The following EPHA3 variants were observed in gnomAD, a reference collection of about 807,000 sequenced individuals.
EPHA3 encodes EPH receptor A3, also known as ephrin type-A receptor 3.
EPHA3 carries 42 observed loss-of-function variants against 107.1 expected under a neutral mutation model. That is an observed-to-expected ratio of 0.39 (90% CI 0.31 to 0.51). The LOEUF (loss-of-function observed/expected upper bound fraction) is 0.51, where lower values mean the gene tolerates loss of function less well. Among genes scored for constraint, EPHA3 ranks in the 20% least tolerant of loss-of-function variants. EPHA3 has a pLI of 0.78. For synonymous variants in EPHA3, 461 were observed against 424.8 expected, an observed-to-expected ratio of 1.09 and a Z score of -1.05; for missense variants, 1,183 against 1,211.2, an observed-to-expected ratio of 0.98 and a Z score of 0.35.
intron 15 of EPHA3, among the ~76,000 whole-genome samples, chr3:89,454,325 CT>C (rs1710056054): frequency 6.6e-6 from 1 of 152,116 alleles, no homozygotes; most frequent in African/African-American, 2.4e-5. Flanking sequence ...TTTTCTCCCC[CT>C]AGCCTGATCC....
intron 3 of EPHA3, among the ~76,000 whole-genome samples, chr3:89,215,422 A>G (rs530600539): frequency 6.6e-6 from 1 of 151,998 alleles, no homozygotes; most frequent in East Asian, 1.9e-4. Flanking sequence ...GAGTCTCTAT[A>G]AAAACAATAT....
chr3:89,375,214 G>A (rs1708379918), intron 5 of EPHA3, among the ~76,000 whole-genome samples: 1 of 151,742 alleles, frequency 6.6e-6, no homozygotes, highest in African/African-American at 2.4e-5. Context: ...AACTGTTAAA[G>A]TGTCTTGAAA....
In EPHA3 at chr3:89,453,751, C is replaced by T. The variant is rs1710042076; in HGVS notation, c.2690+3381C>T. On this transcript the variant is annotated intron_variant, in intron 15 of 16. Coordinates refer to ENST00000336596, the MANE Select transcript of EPHA3 (RefSeq NM_005233.6). The stretch of plus-strand genomic sequence containing the variant: ...TCCTTTTCATAACTGATTAAAATGA[C>T]CTCCTTCTTTAATTTTTAGTGATGT... 3.3e-5 allele frequency among the ~76,000 whole-genome samples: 5 copies of T among 151,972 alleles called. No individual in the cohort carries two copies. In the South Asian group the frequency reaches 1.0e-3, roughly 32 times the overall value.
At chr3:89,476,796 G>A (rs1362063601) in intron 16 of EPHA3, among the ~76,000 whole-genome samples, 1 of 151,536 alleles carries the variant, frequency 6.6e-6, no homozygotes, top group East Asian at 2.0e-4. Flanking sequence ...TTTTAATAGA[G>A]ACGGGGTATC....
chr3:89,187,270 A>G (rs1181519270), intron 2 of EPHA3, among the ~76,000 whole-genome samples: 1 of 149,468 alleles, frequency 6.7e-6, no homozygotes, highest in Non-Finnish European at 1.5e-5. Context: ...ATATTTATTT[A>G]TGAATGTATT....
At position 89,481,786 on chromosome 3, in the gene EPHA3, T is replaced by C. The variant is rs1710625215; in HGVS notation, c.*2284T>C. ...CATGGAGTAGAGGTACTAGAATGCT[T>C]ACGGCCATCTCTTTGTACAGGAACT... is the stretch of plus-strand genomic sequence containing the variant. On this transcript the variant is annotated 3_prime_UTR_variant, in exon 17 of 17. Transcript: ENST00000336596. 2 of 231,994 alleles carry C rather than the reference T, an allele frequency of 8.6e-6. No individual in the cohort carries two copies. The highest frequency in any genetic ancestry group is 1.1e-4 in the Admixed American group (2 of 17,722). 14.4% of individuals were successfully genotyped at this position (231,994 alleles called of 1,614,324 possible). A position where few individuals can be genotyped will look rare whatever the true frequency, so the allele number is the denominator to read the frequency against.
intron 5 of EPHA3, among the ~76,000 whole-genome samples, chr3:89,348,266 A>G (rs1707721235): frequency 7.3e-6 from 1 of 136,630 alleles, no homozygotes; most frequent in Admixed American, 7.4e-5. Context: ...TGGTTGGTAA[A>G]CTATTGATTA....
intron 3 of EPHA3, among the ~76,000 whole-genome samples, chr3:89,269,839 C>T (rs1293365495): frequency 1.4e-5 from 2 of 145,548 alleles, no homozygotes; most frequent in East Asian, 4.2e-4. Flanking sequence ...CCACCTATGA[C>T]AAAAATTTTT....
rs1264254357 is a variant in EPHA3 at position 89,433,846 on chromosome 3, G to C, written c.2346+2487G>C. On this transcript the variant is annotated intron_variant, in intron 13 of 16. Transcript: ENST00000336596. ...CAGTGCTTTTTAGTTCTCCTTCTCT[G>C]ATCACCAGAAAAATTAGTCAGCCAA... 2.0e-5 allele frequency among the ~76,000 whole-genome samples: 3 copies of C among 152,038 alleles called. No homozygotes were observed. The East Asian group carries it at 5.8e-4, about 29-fold the overall frequency.
intron 6 of EPHA3, 139 bp downstream of exon 6, chr3:89,396,100 G>C (rs1708846935): frequency 1.7e-6 from 2 of 1,151,004 alleles, no homozygotes; most frequent in African/African-American, 1.6e-5. Flanking sequence ...TGACCCCTTT[G>C]ATTTATTGGT....
In EPHA3 at chr3:89,145,877, T is replaced by C. The variant is rs1704546267; in HGVS notation, c.153+18604T>C. Among the ~76,000 whole-genome samples, 5 of 151,904 alleles carry C rather than the reference T, an allele frequency of 3.3e-5. No individual in the cohort carries two copies. The South Asian group carries it at 8.3e-4, about 25-fold the overall frequency. On this transcript the variant is annotated intron_variant, in intron 2 of 16. Transcript: ENST00000336596. ...AAGACACCACTGTGTAATAATATCT[T>C]TGGCTTTAAAATAAGTTGCATAATT... is the stretch of plus-strand genomic sequence containing the variant.
At chr3:89,152,850 A>C (rs1360561505) in intron 2 of EPHA3, among the ~76,000 whole-genome samples, 1 of 152,112 alleles carries the variant, frequency 6.6e-6, no homozygotes, top group Non-Finnish European at 1.5e-5. Flanking sequence ...ATTACAAACT[A>C]GCAACTAAAT....
chr3:89,283,721 G>A (rs182195108), intron 3 of EPHA3, among the ~76,000 whole-genome samples: 1 of 152,108 alleles, frequency 6.6e-6, no homozygotes, highest in East Asian at 1.9e-4. Flanking sequence ...TGCACAGCAC[G>A]GTGAAACACA....
chr3:89,478,465 G>T (rs1219095087), intron 16 of EPHA3, among the ~76,000 whole-genome samples: 2 of 152,184 alleles, frequency 1.3e-5, no homozygotes, highest in Non-Finnish European at 2.9e-5. Flanking sequence ...CAAATGGACT[G>T]ATCTGGTGTG....
At chr3:89,456,001 T>C (rs953864626) in intron 15 of EPHA3, among the ~76,000 whole-genome samples, 4 of 152,194 alleles carry the variant, frequency 2.6e-5, no homozygotes, top group Admixed American at 2.0e-4. Flanking sequence ...CCAGTGCAGA[T>C]TGATAATGGG....
At chr3:89,315,538 T>C (rs541265959) in intron 3 of EPHA3, among the ~76,000 whole-genome samples, 4 of 151,762 alleles carry the variant, frequency 2.6e-5, no homozygotes, top group Admixed American at 6.6e-5. Flanking sequence ...TAGGAGAATC[T>C]TCCCTAAAGC....
At chr3:89,196,946 C>T (rs982924020) in intron 2 of EPHA3, among the ~76,000 whole-genome samples, 1 of 152,130 alleles carries the variant, frequency 6.6e-6, no homozygotes, top group African/African-American at 2.4e-5. Context: ...CAGACTCCAT[C>T]CTATGTCACA....
At chr3:89,141,098 A>G (rs1704422458) in intron 2 of EPHA3, among the ~76,000 whole-genome samples, 1 of 151,594 alleles carries the variant, frequency 6.6e-6, no homozygotes, top group South Asian at 2.1e-4. Flanking sequence ...AGACAATCTG[A>G]TTCCCATAAA....
chr3:89,332,098 G>A (rs183720708), intron 3 of EPHA3, among the ~76,000 whole-genome samples: 1 of 152,048 alleles, frequency 6.6e-6, no homozygotes, highest in East Asian at 1.9e-4. Context: ...CCACATAATC[G>A]TCTGCTCATT....
Sources: allele counts gnomAD v4.1 joint callset (sites outside exome capture counted in the v4.1 genomes callset), GRCh38; gene constraint gnomAD v4.1.1; transcripts MANE v1.5; gene names NCBI Gene and HGNC (gene_info 2026-07-23, HGNC 2026-07-21).